CDH13: variants seen among roughly 807,000 people sequenced by gnomAD.
The protein encoded by CDH13 is cadherin-13.
Under a neutral mutation model 63.8 loss-of-function variants are expected in CDH13, and 24 were observed. The ratio of observed to expected loss-of-function variants is 0.38; its 90% CI spans 0.27 to 0.53. The LOEUF (loss-of-function observed/expected upper bound fraction) is 0.53, where lower values mean the gene tolerates loss of function less well. CDH13 is among the 20% of genes least tolerant of loss of function. The probability of loss-of-function intolerance (pLI) is 0.85; values close to 1 mark genes in which losing one functional copy is unlikely to be tolerated. For synonymous variants in CDH13, 503 were observed against 355.3 expected, an observed-to-expected ratio of 1.42 and a Z score of -4.67; for missense variants, 1,049 against 903.1, an observed-to-expected ratio of 1.16 and a Z score of -2.07.
At chr16:83,770,546 T>C (rs184118342) in intron 11 of CDH13, among the ~76,000 whole-genome samples, 167 of 152,218 alleles carry the variant, frequency 1.1e-3, no homozygotes, top group African/African-American at 4.0e-3. Context: ...ATATTAGGAA[T>C]GTAAAGGAAT....
chr16:83,319,678 C>T (rs1258588687), intron 5 of CDH13, among the ~76,000 whole-genome samples: 2 of 152,096 alleles, frequency 1.3e-5, no homozygotes, highest in Non-Finnish European at 2.9e-5. Context: ...AACATCATGT[C>T]ATCTATGCAA....
chr16:83,549,891 G>A (rs1170165542), intron 7 of CDH13, among the ~76,000 whole-genome samples: 1 of 152,208 alleles, frequency 6.6e-6, no homozygotes, highest in Non-Finnish European at 1.5e-5. Flanking sequence ...GAGAGACAGA[G>A]AGGGGAAGAC....
rs370820944 is a variant in CDH13, at chr16:83,665,633, T to C, written c.1102-5157T>C. On this transcript the variant is annotated intron_variant, in intron 8 of 13. Coordinates refer to ENST00000567109, the MANE Select transcript of CDH13 (RefSeq NM_001257.5). ...CATCCCAGCTTTTCAAGTTCCATATTAGTTCTCTGTGAAACTTTAGGGTTA... is the reference window on the plus strand; with the variant it reads ...CATCCCAGCTTTTCAAGTTCCATATCAGTTCTCTGTGAAACTTTAGGGTTA... 5.9e-5 allele frequency among the ~76,000 whole-genome samples: 9 copies of C among 152,354 alleles called. No homozygotes were observed. In the East Asian group the frequency reaches 9.6e-4, roughly 16 times the overall value.
At chr16:82,670,297 C>T (rs185891463) in intron 1 of CDH13, among the ~76,000 whole-genome samples, 5 of 152,304 alleles carry the variant, frequency 3.3e-5, no homozygotes, top group East Asian at 1.9e-4. Flanking sequence ...GTTTGGTAGG[C>T]GACTTAGAAC....
intron 3 of CDH13, among the ~76,000 whole-genome samples, chr16:83,058,422 A>T (rs989223540): frequency 2.6e-5 from 4 of 152,316 alleles, no homozygotes; most frequent in South Asian, 2.1e-4. Context: ...ATGTTTCAAC[A>T]TGGGGGTACC....
intron 11 of CDH13, among the ~76,000 whole-genome samples, chr16:83,749,407 T>C (rs1912889943): frequency 6.6e-6 from 1 of 151,956 alleles, no homozygotes; most frequent in South Asian, 2.1e-4. Context: ...TTCGGATGAG[T>C]GGCATTACCC....
At chr16:82,887,980 C>A (rs2040949200) in intron 2 of CDH13, among the ~76,000 whole-genome samples, 1 of 152,062 alleles carries the variant, frequency 6.6e-6, no homozygotes, top group South Asian at 2.1e-4. Context: ...AAACAGCTTC[C>A]CTTAAACACA....
chr16:83,381,687 C>T (rs2091570146), intron 6 of CDH13, among the ~76,000 whole-genome samples: 1 of 151,790 alleles, frequency 6.6e-6, no homozygotes, highest in Non-Finnish European at 1.5e-5. Flanking sequence ...CAAATCATTC[C>T]AAACCAAAGC....
rs78259617 is a variant in CDH13, at chr16:83,708,163, C to T, written c.1538+29702C>T. On this transcript the variant is annotated intron_variant, in intron 10 of 13. Transcript: ENST00000567109. Reference sequence around the variant, plus strand: ...CCATAGAGGATCCACCCAAAGCCACCGGGAGAACCAACACATCCCTGCAGA... The same window carrying T: ...CCATAGAGGATCCACCCAAAGCCACTGGGAGAACCAACACATCCCTGCAGA... Among the ~76,000 whole-genome samples the T allele has an allele frequency of 9.8e-3, 1,486 of 152,302 alleles. 23 individuals are homozygous for T. Among genetic ancestry groups the T allele is most frequent in the African/African-American group, 0.034 (1,427 of 41,568 alleles).
intron 1 of CDH13, among the ~76,000 whole-genome samples, chr16:82,796,737 T>C (rs978425764): frequency 6.6e-6 from 1 of 152,198 alleles, no homozygotes; most frequent in Non-Finnish European, 1.5e-5. Context: ...CTGTGACAAA[T>C]AATGACCTTT....
intron 6 of CDH13, among the ~76,000 whole-genome samples, chr16:83,393,627 G>C (rs1431588661): frequency 6.6e-6 from 1 of 152,162 alleles, no homozygotes; most frequent in Admixed American, 6.5e-5. Context: ...CTGAAAGAAT[G>C]AATGAATTTA....
chr16:83,242,853 T>G (rs1158198942), intron 5 of CDH13, among the ~76,000 whole-genome samples: 1 of 152,216 alleles, frequency 6.6e-6, no homozygotes, highest in Non-Finnish European at 1.5e-5. Context: ...TCACTTCCCC[T>G]GACTCAGCTG....
chr16:83,210,224 C>T (rs1462300446), intron 4 of CDH13, among the ~76,000 whole-genome samples: 1 of 152,080 alleles, frequency 6.6e-6, no homozygotes, highest in African/African-American at 2.4e-5. Context: ...GCCACCACGC[C>T]TAGCTAGTTT....
chr16:82,652,108 C>T (rs1403620822), intron 1 of CDH13, among the ~76,000 whole-genome samples: 1 of 152,238 alleles, frequency 6.6e-6, no homozygotes, highest in South Asian at 2.1e-4. Context: ...GTTATTGGAA[C>T]ATGTGAACGT....
rs1484881902 is a variant in CDH13, at chr16:83,799,582, A to T, written c.*4552A>T. ...CACACCAACAGGAAACCCAAGCACTAAAAAAGCCACCTACCTTTTCTGTTT... is the reference window on the plus strand; with the variant it reads ...CACACCAACAGGAAACCCAAGCACTTAAAAAGCCACCTACCTTTTCTGTTT... On this transcript the variant is annotated 3_prime_UTR_variant, in exon 14 of 14. Coordinates refer to ENST00000567109, the MANE Select transcript of CDH13 (RefSeq NM_001257.5). 6.6e-6 allele frequency: 1 copy of T among 152,166 alleles called. No homozygotes were observed. Among genetic ancestry groups the T allele is most frequent in the Non-Finnish European group, 1.5e-5 (1 of 68,032 alleles). 9.4% of individuals were successfully genotyped at this position (152,166 alleles called of 1,614,324 possible).
intron 3 of CDH13, among the ~76,000 whole-genome samples, chr16:83,080,878 T>TTTTTGTTG (rs1567810573): frequency 9.2e-6 from 1 of 108,866 alleles, no homozygotes; most frequent in Non-Finnish European, 1.8e-5. Flanking sequence ...TGTGTTTTTT[T>TTTTTGTTG]TTTTTTTTTT....
chr16:82,652,314 GT>G (rs1910812630), intron 1 of CDH13, among the ~76,000 whole-genome samples: 1 of 152,176 alleles, frequency 6.6e-6, no homozygotes, highest in Non-Finnish European at 1.5e-5. Flanking sequence ...AGAAGGTTCT[GT>G]TTCTCACCTG....
chr16:83,376,536 A>G (rs893065812), intron 6 of CDH13, among the ~76,000 whole-genome samples: 1 of 152,186 alleles, frequency 6.6e-6, no homozygotes, highest in Non-Finnish European at 1.5e-5. Flanking sequence ...ACATGGACAC[A>G]TTTTCATTAG....
At chr16:83,481,260 G>A (rs955924686) in intron 6 of CDH13, among the ~76,000 whole-genome samples, 8 of 152,114 alleles carry the variant, frequency 5.3e-5, no homozygotes, top group Non-Finnish European at 8.8e-5. Context: ...TACGTGATTC[G>A]CTTATAGGAA....
Sources: gnomAD v4.1 joint callset for allele counts (sites outside exome capture counted in the v4.1 genomes callset) on GRCh38, gnomAD v4.1.1 for gene constraint, MANE v1.5 for transcripts, NCBI Gene and HGNC (gene_info 2026-07-23, HGNC 2026-07-21) for gene names.